The following ZFPM2 variants were observed in gnomAD, a reference collection of about 807,000 sequenced individuals.
ZFPM2 encodes zinc finger protein, FOG family member 2.
A neutral mutation model predicts 98.6 loss-of-function variants in ZFPM2; 20 were observed. The ratio of observed to expected loss-of-function variants is 0.20; its 90% confidence interval spans 0.14 to 0.29. The LOEUF is 0.29. ZFPM2 is among the 10% of genes least tolerant of loss of function. The pLI, the probability that ZFPM2 is intolerant of heterozygous loss-of-function variation, is 1.00. For synonymous variants in ZFPM2, 518 were observed against 502.7 expected (o/e 1.03, Z -0.41); for missense variants, 1,310 against 1,388.6 (o/e 0.94, Z 0.90).
chr8:105,462,801 T>C (rs2130308878), intron 3 of ZFPM2, among the ~76,000 whole-genome samples: 1 of 152,244 alleles, frequency 6.6e-6, no homozygotes, highest in East Asian at 1.9e-4. Flanking sequence ...TATATTTCTT[T>C]AATTTCTGAA....
intron 2 of ZFPM2, among the ~76,000 whole-genome samples, chr8:105,420,947 T>G (rs2130089213): frequency 6.6e-6 from 1 of 152,278 alleles, no homozygotes; most frequent in South Asian, 2.1e-4. Flanking sequence ...TTGCAAATTT[T>G]GGGACGATCT....
chr8:105,387,096 TAG>T (rs1447050312), intron 1 of ZFPM2: 1 of 152,490 alleles, frequency 6.6e-6, no homozygotes, highest in African/African-American at 2.4e-5. Context: ...AGTAGCTAGA[TAG>T]AGAGTGTGGA....
intron 3 of ZFPM2, among the ~76,000 whole-genome samples, chr8:105,498,292 AT>A (rs1220731088): frequency 6.6e-6 from 1 of 152,212 alleles, no homozygotes; most frequent in Admixed American, 6.5e-5. Flanking sequence ...TAAGCTCTGT[AT>A]TCATAGCTTG....
At chr8:105,536,815 C>G (rs928814416) in intron 3 of ZFPM2, among the ~76,000 whole-genome samples, 4 of 152,100 alleles carry the variant, frequency 2.6e-5, no homozygotes, top group African/African-American at 9.7e-5. Context: ...TAGGAGAGTT[C>G]TGGAATGCAT....
intron 1 of ZFPM2, among the ~76,000 whole-genome samples, chr8:105,377,564 C>T (rs1415219266): frequency 7.4e-6 from 1 of 134,460 alleles, no homozygotes; most frequent in Admixed American, 8.6e-5. Context: ...GAGTTTGCGA[C>T]CAGCTTGGCC....
At chr8:105,546,747 C>T (rs538868614) in intron 3 of ZFPM2, among the ~76,000 whole-genome samples, 106 of 152,054 alleles carry the variant, frequency 7.0e-4, no homozygotes, top group Non-Finnish European at 1.8e-4. Flanking sequence ...AGCAACCAGT[C>T]GAAGGATCCA....
chr8:105,749,329 A>G (rs147199619), intron 5 of ZFPM2, among the ~76,000 whole-genome samples: 48 of 152,216 alleles, frequency 3.2e-4, no homozygotes, highest in African/African-American at 1.2e-3. Context: ...ATTTAAAAAA[A>G]GACTCCCTTG....
intron 2 of ZFPM2, among the ~76,000 whole-genome samples, chr8:105,433,521 C>T (rs1655820712): frequency 6.6e-6 from 1 of 152,204 alleles, no homozygotes; most frequent in Non-Finnish European, 1.5e-5. Context: ...GGCACGGTGG[C>T]TCATGCCCGT....
At chr8:105,505,001 A>G (rs949857495) in intron 3 of ZFPM2, among the ~76,000 whole-genome samples, 1 of 152,308 alleles carries the variant, frequency 6.6e-6, no homozygotes, top group African/African-American at 2.4e-5. Flanking sequence ...TTGACTATTC[A>G]CAAAAATGTC....
chr8:105,769,741 G>T (rs1471029741), intron 5 of ZFPM2, among the ~76,000 whole-genome samples: 1 of 151,882 alleles, frequency 6.6e-6, no homozygotes, highest in Non-Finnish European at 1.5e-5. Flanking sequence ...CCCTACCTCT[G>T]TTGAAATCCT....
intron 3 of ZFPM2, among the ~76,000 whole-genome samples, chr8:105,524,855 A>AG (rs915673298): frequency 1.3e-5 from 2 of 152,064 alleles, no homozygotes; most frequent in African/African-American, 4.8e-5. Flanking sequence ...TTGTAGAGGG[A>AG]GAAAAAAAGA....
intron 2 of ZFPM2, among the ~76,000 whole-genome samples, chr8:105,425,894 C>T (rs151221347): frequency 2.4e-4 from 36 of 152,132 alleles, no homozygotes; most frequent in African/African-American, 6.3e-4. Flanking sequence ...GAGTAGTAAC[C>T]GTTGTTTTTC....
chr8:105,741,534 C>G (rs964056268), intron 5 of ZFPM2, among the ~76,000 whole-genome samples: 1 of 152,048 alleles, frequency 6.6e-6, no homozygotes, highest in Non-Finnish European at 1.5e-5. Flanking sequence ...GCAAAGTTGG[C>G]ACATCCGTGG....
chr8:105,673,917 A>G (rs1389604137), intron 5 of ZFPM2, among the ~76,000 whole-genome samples: 1 of 152,220 alleles, frequency 6.6e-6, no homozygotes, highest in Non-Finnish European at 1.5e-5. Flanking sequence ...AAATTGGAAG[A>G]TCCCATAGCA....
chr8:105,765,530 A>G (rs1812836623), intron 5 of ZFPM2, among the ~76,000 whole-genome samples: 1 of 151,824 alleles, frequency 6.6e-6, no homozygotes. Context: ...TACTTCTCTA[A>G]TGAAGCTTGT....
At chr8:105,417,974 A>C (rs1811711456) in intron 1 of ZFPM2, among the ~76,000 whole-genome samples, 1 of 152,186 alleles carries the variant, frequency 6.6e-6, no homozygotes, top group Non-Finnish European at 1.5e-5. Context: ...TATTCTGTCT[A>C]TGCCAAGGTG....
chr8:105,748,561 G>T lies in ZFPM2; in HGVS notation c.533-40157G>T, dbSNP rs375423525. Among the ~76,000 whole-genome samples, 336 of 152,110 alleles carry T rather than the reference G, an allele frequency of 2.2e-3. 1 individual carries two copies. The highest frequency in any genetic ancestry group is 7.8e-3 in the African/African-American group (323 of 41,542). The stretch of plus-strand genomic sequence containing the variant: ...CTTTCCCCAGCAGACAAAATATTGA[G>T]GGTCGTTTGAAAGGTACATTGATGA... On this transcript the variant is annotated intron_variant, in intron 5 of 7. Coordinates refer to ENST00000407775, the MANE Select transcript of ZFPM2 (RefSeq NM_012082.4).
At chr8:105,651,947 G>A (rs1817187172) in intron 5 of ZFPM2, among the ~76,000 whole-genome samples, 1 of 152,132 alleles carries the variant, frequency 6.6e-6, no homozygotes, top group Non-Finnish European at 1.5e-5. Flanking sequence ...AGAGAATCTA[G>A]ATGAAGAGGA....
chr8:105,655,310 C>G (rs201741751), intron 5 of ZFPM2, among the ~76,000 whole-genome samples: 1 of 145,736 alleles, frequency 6.9e-6, no homozygotes, highest in Non-Finnish European at 1.5e-5. Flanking sequence ...TGGCTCACTG[C>G]AACCTCTGCC....
Sources: allele counts gnomAD v4.1 joint callset (sites outside exome capture counted in the v4.1 genomes callset), GRCh38; gene constraint gnomAD v4.1.1; transcripts MANE v1.5; gene names NCBI Gene and HGNC (gene_info 2026-07-23, HGNC 2026-07-21).